The following MKNK1 variants were observed in gnomAD, a reference collection of about 807,000 sequenced individuals.
MKNK1 encodes the protein MAP kinase-interacting serine/threonine-protein kinase 1.
In MKNK1, 30 loss-of-function variants were observed where a neutral mutation model predicts 49.3. That is an observed-to-expected ratio of 0.61 (90% confidence interval 0.46 to 0.83). MKNK1 has a LOEUF of 0.83. Ranked by LOEUF, MKNK1 falls within the 40% of genes least tolerant of loss-of-function variation. MKNK1 has a pLI of 0.00. For synonymous variants in MKNK1, 176 were observed against 201.7 expected, an observed-to-expected ratio of 0.87 and a Z score of 1.08; for missense variants, 423 against 524.7, an observed-to-expected ratio of 0.81 and a Z score of 1.89.
intron 8 of MKNK1, chr1:46,565,384 T>G (rs1000659346): frequency 3.9e-6 from 2 of 515,328 alleles, no homozygotes; most frequent in Non-Finnish European, 7.1e-6. Flanking sequence ...CAGATTATTG[T>G]GAACTCAGAC....
chr1:46,579,884 TTTTAA>T (rs1362354567), intron 4 of MKNK1, among the ~76,000 whole-genome samples: 4 of 142,790 alleles, frequency 2.8e-5, no homozygotes, highest in South Asian at 2.1e-4. Flanking sequence ...TGTTTTCTTC[TTTTAA>T]TTTTTTTTTT....
intron 4 of MKNK1, among the ~76,000 whole-genome samples, chr1:46,579,864 G>A (rs748861530): frequency 4.0e-5 from 6 of 150,146 alleles, no homozygotes; most frequent in African/African-American, 1.0e-4. Context: ...GTGCTCAGTC[G>A]CTTTAGTTTT....
intron 9 of MKNK1, 82 bp from the exon 10 acceptor site, chr1:46,562,925 G>A: frequency 8.5e-7 from 1 of 1,172,472 alleles, no homozygotes; most frequent in Non-Finnish European, 1.2e-6. Flanking sequence ...GCAGAGAGCA[G>A]ACTGTGATGG....
chr1:46,564,983 C>A, intron 9 of MKNK1, 58 bp downstream of exon 9: 1 of 1,536,588 alleles, frequency 6.5e-7, no homozygotes, highest in South Asian at 1.1e-5. Context: ...CTGGACCTCC[C>A]AGCTCTGGAT....
At position 46,604,220 on chromosome 1, in the gene MKNK1, C is replaced by A. The variant is rs533732712; in HGVS notation, c.-206G>T. ...TCCCGCCGGGGAGCGGTCGCGCGCACCCCTACCTGCAGATCGCTCCTCCGA... is the reference window on the plus strand; with the variant it reads ...TCCCGCCGGGGAGCGGTCGCGCGCAACCCTACCTGCAGATCGCTCCTCCGA... On this transcript the variant is annotated 5_prime_UTR_variant, in exon 1 of 13. Coordinates refer to ENST00000371945, the MANE Select transcript of MKNK1 (RefSeq NM_001135553.4). The A allele has an allele frequency of 6.6e-6, 1 of 152,388 alleles. No individual in the cohort carries two copies. Among genetic ancestry groups the A allele is most frequent in the East Asian group, 1.9e-4 (1 of 5,176 alleles). 9.4% of individuals were successfully genotyped at this position (152,388 alleles called of 1,614,324 possible).
At chr1:46,580,875 C>T (rs1033785725) in intron 3 of MKNK1, among the ~76,000 whole-genome samples, 4 of 152,126 alleles carry the variant, frequency 2.6e-5, no homozygotes, top group African/African-American at 9.7e-5. Flanking sequence ...GGTCTCAATT[C>T]GGCACATACT....
At chr1:46,570,197 G>C (rs1021666430) in intron 7 of MKNK1, 2 of 152,194 alleles carry the variant, frequency 1.3e-5, no homozygotes, top group African/African-American at 4.8e-5. Context: ...ACCGGCCTCT[G>C]TTCCCTTCAG....
chr1:46,590,849 AC>A (rs1259783494), intron 2 of MKNK1, among the ~76,000 whole-genome samples: 1 of 152,266 alleles, frequency 6.6e-6, no homozygotes, highest in Non-Finnish European at 1.5e-5. Context: ...GTTGGGCAGC[AC>A]TGCCCTAGCT....
chr1:46,561,024 C>T (rs1022175610), intron 11 of MKNK1, among the ~76,000 whole-genome samples: 3 of 152,208 alleles, frequency 2.0e-5, no homozygotes, highest in Admixed American at 6.5e-5. Flanking sequence ...GGAAAAAATA[C>T]GATCATTTGC....
chr1:46,572,446 C>CTGGGCTCAAG, intron 6 of MKNK1: 8 of 253,450 alleles, frequency 3.2e-5, no homozygotes, highest in Non-Finnish European at 5.6e-5. Context: ...TCTCGAACTC[C>CTGGGCTCAAG]CGACCAAGTG....
At chr1:46,577,505 TAAAC>T (rs1557860612) in intron 4 of MKNK1, among the ~76,000 whole-genome samples, 1 of 151,798 alleles carries the variant, frequency 6.6e-6, no homozygotes, top group African/African-American at 2.4e-5. Context: ...AATAAATAAA[TAAAC>T]AATAATAATT....
chr1:46,573,433 T>A (rs1422663718), intron 6 of MKNK1, among the ~76,000 whole-genome samples: 18 of 152,228 alleles, frequency 1.2e-4, no homozygotes, highest in Non-Finnish European at 1.5e-5. Context: ...CAGGAACATG[T>A]GGCTTGGCTT....
chr1:46,592,165 G>A (rs1673430050), intron 2 of MKNK1, among the ~76,000 whole-genome samples: 1 of 152,202 alleles, frequency 6.6e-6, no homozygotes. Context: ...ACTTGAACCC[G>A]GGAGGCGGAG....
chr1:46,588,267 G>T (rs1400447921), intron 2 of MKNK1, among the ~76,000 whole-genome samples: 1 of 152,104 alleles, frequency 6.6e-6, no homozygotes, highest in African/African-American at 2.4e-5. Flanking sequence ...TGTACACAAT[G>T]AAATTTATTT....
At chr1:46,592,665 G>A (rs1673500164) in intron 2 of MKNK1, among the ~76,000 whole-genome samples, 1 of 152,206 alleles carries the variant, frequency 6.6e-6, no homozygotes, top group South Asian at 2.1e-4. Flanking sequence ...GAGGTGAGGT[G>A]TGTAACAGAG....
At chr1:46,587,453 G>C (rs1481383782) in intron 2 of MKNK1, among the ~76,000 whole-genome samples, 5 of 152,204 alleles carry the variant, frequency 3.3e-5, no homozygotes, top group African/African-American at 4.8e-5. Flanking sequence ...GCCTCTTAGA[G>C]TCTCAGTTTC....
intron 4 of MKNK1, among the ~76,000 whole-genome samples, chr1:46,578,822 C>T (rs1194125491): frequency 6.6e-6 from 1 of 151,326 alleles, no homozygotes; most frequent in Non-Finnish European, 1.5e-5. Flanking sequence ...GGTGTGATCT[C>T]GGCTCACTGT....
At chr1:46,568,550 A>G (rs533214859) in intron 7 of MKNK1, 52 bp from the exon 8 acceptor site, 48 of 1,498,990 alleles carry the variant, frequency 3.2e-5, no homozygotes, top group Non-Finnish European at 4.3e-5. Context: ...TAATTATCAA[A>G]CATTCCACAC....
In MKNK1 at chr1:46,576,308, C is replaced by G. The variant is rs60664332; in HGVS notation, c.278+267G>C. On this transcript the variant is annotated intron_variant, in intron 5 of 12. Coordinates refer to ENST00000371945, the MANE Select transcript of MKNK1 (RefSeq NM_001135553.4). ...GAAAGAAATAAAACCCCATTTCCCC[C>G]CAACAACCACTGATTCAGATAGTTC... The G allele has an allele frequency of 6.3e-3, 2,248 of 355,154 alleles. 49 individuals are homozygous for G. The highest frequency in any genetic ancestry group is 0.043 in the African/African-American group (2,032 of 47,492). 22.0% of individuals were successfully genotyped at this position (355,154 alleles called of 1,614,324 possible). A position where few individuals can be genotyped will look rare whatever the true frequency, so the allele number is the denominator to read the frequency against.
Sources: allele counts gnomAD v4.1 joint callset (sites outside exome capture counted in the v4.1 genomes callset), GRCh38; gene constraint gnomAD v4.1.1; transcripts MANE v1.5; gene names NCBI Gene and HGNC (gene_info 2026-07-23, HGNC 2026-07-21).